FGD6: variants seen among roughly 807,000 people sequenced by gnomAD.
FGD6 encodes the protein FYVE, RhoGEF and PH domain containing 6, also known as FYVE, RhoGEF and PH domain-containing protein 6.
In FGD6, 90 loss-of-function variants were observed where a neutral mutation model predicts 149.4. That is an observed-to-expected ratio of 0.60 (90% CI 0.51 to 0.72). The LOEUF (loss-of-function observed/expected upper bound fraction) is 0.72. Among genes scored for constraint, FGD6 ranks in the 30% least tolerant of loss-of-function variants. The pLI is 0.00. For synonymous variants in FGD6, 527 were observed against 584.0 expected, an observed-to-expected ratio of 0.90 and a Z score of 1.41; for missense variants, 1,437 against 1,684.8, an observed-to-expected ratio of 0.85 and a Z score of 2.57.
At chr12:95,173,828 G>A (rs1881058846) in intron 2 of FGD6, among the ~76,000 whole-genome samples, 1 of 152,102 alleles carries the variant, frequency 6.6e-6, no homozygotes, top group Admixed American at 6.5e-5. Context: ...GCAGGTCACA[G>A]GCAGGTCACT....
intron 3 of FGD6, among the ~76,000 whole-genome samples, chr12:95,169,643 C>T (rs1402001905): frequency 6.6e-6 from 1 of 152,050 alleles, no homozygotes; most frequent in African/African-American, 2.4e-5. Flanking sequence ...CAGTGAGATC[C>T]CTGATAGAAT....
At chr12:95,191,666 C>G (rs1881591611) in intron 2 of FGD6, among the ~76,000 whole-genome samples, 1 of 152,164 alleles carries the variant, frequency 6.6e-6, no homozygotes, top group Non-Finnish European at 1.5e-5. Flanking sequence ...AGACCAAACT[C>G]CATGGATGCT....
intron 8 of FGD6, among the ~76,000 whole-genome samples, chr12:95,129,115 A>G (rs563443030): frequency 3.3e-5 from 5 of 152,300 alleles, no homozygotes; most frequent in African/African-American, 1.2e-4. Flanking sequence ...CTGGAGCCTA[A>G]CAGAGAAATA....
chr12:95,126,740 A>G (rs1032364456), intron 8 of FGD6, among the ~76,000 whole-genome samples: 11 of 151,632 alleles, frequency 7.3e-5, no homozygotes, highest in African/African-American at 1.9e-4. Context: ...CAAAAAAAAA[A>G]AAAAAGAAAA....
chr12:95,183,053 G>A (rs147072465), intron 2 of FGD6, among the ~76,000 whole-genome samples: 78 of 152,344 alleles, frequency 5.1e-4, no homozygotes, highest in South Asian at 3.3e-3. Flanking sequence ...TTGTGAGTCA[G>A]CACAAAACCA....
intron 2 of FGD6, among the ~76,000 whole-genome samples, chr12:95,178,188 G>C (rs753375891): frequency 5.3e-5 from 8 of 152,122 alleles, no homozygotes; most frequent in Non-Finnish European, 8.8e-5. Context: ...AAATGAGTTT[G>C]GAAACATGGC....
intron 2 of FGD6, among the ~76,000 whole-genome samples, chr12:95,174,794 G>A (rs910812491): frequency 1.3e-4 from 20 of 152,088 alleles, no homozygotes; most frequent in African/African-American, 4.1e-4. Flanking sequence ...CAGGCATGGT[G>A]GAGGGCGCCT....
At chr12:95,104,439 A>C (rs1190621825) in intron 14 of FGD6, among the ~76,000 whole-genome samples, 2 of 151,898 alleles carry the variant, frequency 1.3e-5, no homozygotes, top group Non-Finnish European at 1.5e-5. Flanking sequence ...TCTCTAAAAA[A>C]AAAATTTTTT....
Position 95,077,637 on chromosome 12 carries a change from A to G in FGD6, c.*3883T>C, listed in dbSNP as rs748985215. ...GCCGTGTTTAAAATGGGATCACACA[A>G]CGGCATTGGAATTAGAAGTTATTGC... is the stretch of plus-strand genomic sequence containing the variant. On this transcript the variant is annotated 3_prime_UTR_variant, in exon 21 of 21. Coordinates refer to ENST00000343958, the MANE Select transcript of FGD6 (RefSeq NM_018351.4). 6.6e-6 allele frequency: 1 copy of G among 152,204 alleles called. No homozygotes were observed. The highest frequency in any genetic ancestry group is 2.1e-4 in the South Asian group (1 of 4,828). The allele number at this position is 152,204 out of a possible 1,614,324, so 9.4% of individuals were successfully genotyped here. A position where few individuals can be genotyped will look rare whatever the true frequency, so the allele number is the denominator to read the frequency against.
rs1877985704 is a variant in FGD6 at position 95,089,633 on chromosome 12, G to T, written c.3914C>A (p.Ser1305Ter). The T allele has an allele frequency of 6.2e-7, 1 of 1,613,974 alleles. No homozygotes were observed. The highest frequency in any genetic ancestry group is 2.2e-5 in the East Asian group (1 of 44,860). Residue 1305 changes from serine (S) to a stop codon, truncating the protein, a stop_gained, in exon 18 of 21, where the codon TCA becomes TAA. Coordinates refer to ENST00000343958, the MANE Select transcript of FGD6 (RefSeq NM_018351.4). LOFTEE classifies it high-confidence loss of function. ...TGATGGAATGCTATGTAAGACTGAT[G>T]ATAAGGCACTTGAAGGAGATTTGTG... ...GNHKSPSSAL[S>*]SVLHSIPSGR...
intron 7 of FGD6, 29 bp from the exon 8 acceptor site, chr12:95,134,855 C>CAGTGTTTT: frequency 4.4e-6 from 7 of 1,577,436 alleles, no homozygotes; most frequent in Non-Finnish European, 6.0e-6. Context: ...TAAATTAACA[C>CAGTGTTTT]AGTGTTTTCT....
At chr12:95,206,870 G>C (rs933814321) in intron 2 of FGD6, among the ~76,000 whole-genome samples, 1 of 152,124 alleles carries the variant, frequency 6.6e-6, no homozygotes, top group Non-Finnish European at 1.5e-5. Flanking sequence ...GGGCAGGAAA[G>C]ACTGACTACG....
At chr12:95,136,924 C>T (rs4762214) in intron 7 of FGD6, among the ~76,000 whole-genome samples, 73,452 of 152,014 alleles carry the variant, frequency 0.48, 18,037 homozygotes, top group Middle Eastern at 0.62. Flanking sequence ...AACTTGAAAA[C>T]TGTTAAAATG....
rs1877794317 is a variant in FGD6, at chr12:95,084,483, G to C, written c.4256+15C>G. On this transcript the variant is annotated intron_variant, in intron 20 of 20. Transcript: ENST00000343958. ...AATCTCATGAATAAAAGAAAAATAT[G>C]GCCAGATTACTTACTTCTGAGCCGA... 4 of 1,512,576 alleles carry C rather than the reference G, an allele frequency of 2.6e-6. No individual in the cohort carries two copies. The highest frequency in any genetic ancestry group is 3.5e-6 in the Non-Finnish European group (4 of 1,137,018). The allele number at this position is 1,512,576 out of a possible 1,614,324, so 93.7% of individuals were successfully genotyped here.
chr12:95,089,722 T>C (rs773815450), intron 17 of FGD6, 26 bp from the exon 18 acceptor site: 1 of 1,609,850 alleles, frequency 6.2e-7, no homozygotes, highest in Non-Finnish European at 8.5e-7. Flanking sequence ...CATGCTTATG[T>C]AGGCAATGCT....
rs1169652289 is a variant in FGD6, at chr12:95,079,042, A to G, written c.*2478T>C. On this transcript the variant is annotated 3_prime_UTR_variant, in exon 21 of 21. Coordinates refer to ENST00000343958, the MANE Select transcript of FGD6 (RefSeq NM_018351.4). ...ATCATTTTTCCTCTAAAATACTAGC[A>G]AAATATATTTTTATAGCTTTTTTTA... 1 of 152,182 alleles carries G rather than the reference A, an allele frequency of 6.6e-6. No individual in the cohort carries two copies. Among genetic ancestry groups the G allele is most frequent in the African/African-American group, 2.4e-5 (1 of 41,446 alleles). The allele number at this position is 152,182 out of a possible 1,614,324, so 9.4% of individuals were successfully genotyped here.
intron 1 of FGD6, among the ~76,000 whole-genome samples, chr12:95,211,537 T>C (rs1380019672): frequency 4.8e-5 from 4 of 82,638 alleles, no homozygotes; most frequent in African/African-American, 2.2e-4. Flanking sequence ...TTTTTTCTTT[T>C]TCTTCTTTTT....
intron 8 of FGD6, among the ~76,000 whole-genome samples, chr12:95,133,190 G>A (rs945628100): frequency 4.6e-5 from 7 of 152,178 alleles, no homozygotes; most frequent in African/African-American, 1.7e-4. Context: ...GGCCAAGGTC[G>A]GCAGATCACT....
In FGD6 at chr12:95,085,764, A is replaced by T. The variant is rs765031208; in HGVS notation, c.4107+16T>A. On this transcript the variant is annotated intron_variant, in intron 19 of 20. Coordinates refer to ENST00000343958, the MANE Select transcript of FGD6 (RefSeq NM_018351.4). ...ACAAAACCCCAAATTACTCATCTTT[A>T]GATTTCAGATCTTACCTCACTTGCA... The T allele has an allele frequency of 1.3e-6, 2 of 1,589,042 alleles. No homozygotes were observed. The highest frequency in any genetic ancestry group is 1.7e-6 in the Non-Finnish European group (2 of 1,172,946).
Sources: allele counts gnomAD v4.1 joint callset (sites outside exome capture counted in the v4.1 genomes callset), GRCh38; gene constraint gnomAD v4.1.1; transcripts MANE v1.5; gene names NCBI Gene and HGNC (gene_info 2026-07-23, HGNC 2026-07-21).